Variants in MACC1 observed in about 807,000 individuals in gnomAD.
The protein encoded by MACC1 is metastasis-associated in colon cancer protein 1.
A neutral mutation model predicts 70.7 loss-of-function variants in MACC1; 79 were observed. The observed-to-expected ratio is 1.12, with a 90% confidence interval of 0.93 to 1.35. The LOEUF (loss-of-function observed/expected upper bound fraction) is 1.35. Ranked by LOEUF, MACC1 falls within the 40% of genes most tolerant of loss-of-function variation. MACC1 has a pLI of 0.00. For missense variants in MACC1, 1,106 were observed against 978.1 expected, an observed-to-expected ratio of 1.13 and a Z score of -1.74; for synonymous variants, 361 against 347.2, an observed-to-expected ratio of 1.04 and a Z score of -0.44.
At chr7:20,149,039 G>T (rs1402862778) in intron 6 of MACC1, among the ~76,000 whole-genome samples, 1 of 152,148 alleles carries the variant, frequency 6.6e-6, no homozygotes, top group Non-Finnish European at 1.5e-5. Context: ...TCCAGAAGTT[G>T]CCATGTAAGC....
chr7:20,173,699 T>A (rs1782347241), intron 1 of MACC1, among the ~76,000 whole-genome samples: 2 of 152,192 alleles, frequency 1.3e-5, no homozygotes, highest in Admixed American at 1.3e-4. Context: ...GACAATCTGA[T>A]CTTGGGTCCT....
At chr7:20,142,924 G>A (rs1781827984) in intron 6 of MACC1, among the ~76,000 whole-genome samples, 1 of 152,210 alleles carries the variant, frequency 6.6e-6, no homozygotes, top group Admixed American at 6.5e-5. Flanking sequence ...TAGTGATTGA[G>A]TCTGATAAAT....
At chr7:20,143,720 T>A (rs534088312) in intron 6 of MACC1, among the ~76,000 whole-genome samples, 1 of 152,008 alleles carries the variant, frequency 6.6e-6, no homozygotes, top group East Asian at 1.9e-4. Flanking sequence ...AACAACAGAG[T>A]AGTGTCGATA....
chr7:20,207,292 C>A (rs1393103849), intron 1 of MACC1, among the ~76,000 whole-genome samples: 5 of 151,864 alleles, frequency 3.3e-5, no homozygotes, highest in Non-Finnish European at 7.4e-5. Flanking sequence ...AGGCATGTGC[C>A]ACCCCATGTC....
At position 20,162,900 on chromosome 7, in the gene MACC1, A is replaced by G. The variant is rs1782159494; in HGVS notation, c.-8-1030T>C. On this transcript the variant is annotated intron_variant, in intron 3 of 6. Coordinates refer to ENST00000400331, the MANE Select transcript of MACC1 (RefSeq NM_182762.4). Reference sequence around the variant, plus strand: ...TTTCTTAAACAAGGCACACACACTTATGCAATATGCAAATCCTAAAAAATA... The same window carrying G: ...TTTCTTAAACAAGGCACACACACTTGTGCAATATGCAAATCCTAAAAAATA... 3.3e-5 allele frequency among the ~76,000 whole-genome samples: 5 copies of G among 152,302 alleles called. No homozygotes were observed. In the South Asian group the frequency reaches 1.0e-3, roughly 32 times the overall value.
chr7:20,149,861 G>A (rs372488264), intron 6 of MACC1, among the ~76,000 whole-genome samples: 80 of 152,202 alleles, frequency 5.3e-4, no homozygotes, highest in African/African-American at 1.8e-3. Flanking sequence ...ATTTGAAAGG[G>A]CTTATCATTA....
chr7:20,200,406 A>G (rs767954688), intron 1 of MACC1, among the ~76,000 whole-genome samples: 1 of 152,234 alleles, frequency 6.6e-6, no homozygotes, highest in African/African-American at 2.4e-5. Flanking sequence ...ACTTCCAAGG[A>G]AAAAAGAGGT....
intron 6 of MACC1, among the ~76,000 whole-genome samples, chr7:20,145,476 AAAAC>A (rs1371991219): frequency 7.2e-5 from 11 of 152,172 alleles, no homozygotes; most frequent in Non-Finnish European, 1.6e-4. Context: ...TTTTAAAAGA[AAAAC>A]AAATTTAAAA....
intron 1 of MACC1, among the ~76,000 whole-genome samples, chr7:20,173,895 T>C (rs774683016): frequency 2.0e-5 from 3 of 152,200 alleles, no homozygotes; most frequent in Non-Finnish European, 4.4e-5. Flanking sequence ...TGAGGAGCAG[T>C]TGCGTCACAT....
In MACC1 at chr7:20,135,884, G is replaced by A. The variant is rs937924389; in HGVS notation, c.*5062C>T. 1 of 152,184 alleles carries A rather than the reference G, an allele frequency of 6.6e-6. No homozygotes were observed. Among genetic ancestry groups the A allele is most frequent in the Non-Finnish European group, 1.5e-5 (1 of 68,038 alleles). The allele number at this position is 152,184 out of a possible 1,614,324, so 9.4% of individuals were successfully genotyped here. The stretch of plus-strand genomic sequence containing the variant: ...TACATAATCAATTTCAAAAGATTAT[G>A]TAAAGAATAAATGAGGATATTTGTA... On this transcript the variant is annotated 3_prime_UTR_variant, in exon 7 of 7. Transcript: ENST00000400331.
At chr7:20,174,360 A>T (rs903132610) in intron 1 of MACC1, among the ~76,000 whole-genome samples, 2 of 152,146 alleles carry the variant, frequency 1.3e-5, no homozygotes, top group Admixed American at 1.3e-4. Context: ...ATCAAATACA[A>T]TGAATCTACT....
chr7:20,190,492 G>T (rs184329503), intron 1 of MACC1, among the ~76,000 whole-genome samples: 2 of 152,242 alleles, frequency 1.3e-5, no homozygotes, highest in Non-Finnish European at 2.9e-5. Flanking sequence ...ACTGGCAAAT[G>T]AATATATGAG....
chr7:20,161,936 T>G, intron 3 of MACC1, 66 bp from the exon 4 acceptor site: 1 of 915,722 alleles, frequency 1.1e-6, no homozygotes, highest in South Asian at 1.4e-5. Context: ...GAAAATAAAC[T>G]CAAAGACATC....
Position 20,159,232 on chromosome 7 carries a change from G to A in MACC1, c.1129C>T (p.Pro377Ser), listed in dbSNP as rs1403848636. The change falls in exon 5 of 7, where the codon CCC becomes TCC. Residue 377 changes from proline (P) to serine (S), a missense_variant. Transcript: ENST00000400331. ...HKTTSIGIYG[P>S]KYIHPSFTVV... ...GTAAAACTGGGATGGATATATTTGG[G>A]TCCATAAATTCCAATTGAGGTGGTT... The A allele has an allele frequency of 1.4e-5, 23 of 1,613,650 alleles. No homozygotes were observed. Among genetic ancestry groups the A allele is most frequent in the Non-Finnish European group, 1.9e-5 (22 of 1,179,936 alleles).
chr7:20,176,509 T>C (rs1782395411), intron 1 of MACC1, among the ~76,000 whole-genome samples: 2 of 152,174 alleles, frequency 1.3e-5, no homozygotes, highest in African/African-American at 4.8e-5. Flanking sequence ...TTTAAAAGAT[T>C]AGCCTTATGC....
At chr7:20,200,051 G>GTATGTATATATACATACATATA (rs1408739846) in intron 1 of MACC1, among the ~76,000 whole-genome samples, 6 of 149,578 alleles carry the variant, frequency 4.0e-5, no homozygotes, top group East Asian at 1.9e-4. Flanking sequence ...GTGTACATAT[G>GTATGTATATATACATACATATA]TATGTATATA....
At chr7:20,207,195 C>T (rs1264212935) in intron 1 of MACC1, among the ~76,000 whole-genome samples, 2 of 151,718 alleles carry the variant, frequency 1.3e-5, no homozygotes, top group African/African-American at 4.8e-5. Context: ...GGTTGGAGTG[C>T]AGTGGCGCAG....
chr7:20,144,845 C>T (rs1031318072), intron 6 of MACC1, among the ~76,000 whole-genome samples: 2 of 152,102 alleles, frequency 1.3e-5, no homozygotes, highest in Non-Finnish European at 2.9e-5. Context: ...AAATTTAATT[C>T]TCAACTAAGT....
chr7:20,164,685 G>A (rs1484051883), intron 2 of MACC1, among the ~76,000 whole-genome samples: 2 of 152,120 alleles, frequency 1.3e-5, no homozygotes, highest in African/African-American at 4.8e-5. Flanking sequence ...AAATGCTGTG[G>A]TTGATTTTAC....
Sources: gnomAD v4.1 joint callset for allele counts (sites outside exome capture counted in the v4.1 genomes callset) on GRCh38, gnomAD v4.1.1 for gene constraint, MANE v1.5 for transcripts, NCBI Gene and HGNC (gene_info 2026-07-23, HGNC 2026-07-21) for gene names.